MID1: variants seen among roughly 807,000 people sequenced by gnomAD.
The protein encoded by MID1 is midline 1.
Under a neutral mutation model 40.4 loss-of-function variants are expected in MID1, and 7 were observed. The observed-to-expected ratio is 0.17, with a 90% CI of 0.10 to 0.33. MID1 has a LOEUF of 0.33. Ranked by LOEUF, MID1 falls within the 10% of genes least tolerant of loss-of-function variation. The pLI, the probability that MID1 is intolerant of heterozygous loss-of-function variation, is 1.00. For missense variants in MID1, 367 were observed against 558.5 expected (o/e 0.66, Z 3.46); for synonymous variants, 229 against 221.2 (o/e 1.04, Z -0.31).
chrX:10,769,874 G>A (rs1197474266), intron 1 of MID1, among the ~76,000 whole-genome samples: 1 of 111,637 alleles, frequency 9.0e-6, no homozygotes, highest in African/African-American at 3.3e-5. Flanking sequence ...ATTCATTGTG[G>A]CATCAGGGCA....
At chrX:10,713,691 C>T (rs2043283598) in intron 1 of MID1, among the ~76,000 whole-genome samples, 1 of 111,961 alleles carries the variant, frequency 8.9e-6, no homozygotes, top group African/African-American at 3.2e-5. Context: ...AACCCTTTAA[C>T]CTCAACAACT....
rs1346671146 is a variant in MID1, at chrX:10,804,219, ATAGT to A, written c.-187+29331_-187+29334del. On this transcript the variant is annotated intron_variant, in intron 1 of 10. Coordinates refer to the MID1 transcript ENST00000380785. Reference sequence around the variant, plus strand: ...TAACAGAACCTTTAGCATATTAATCATAGTTAGTTTAAATTCTCAGTCTGATAAT... The same window carrying A: ...TAACAGAACCTTTAGCATATTAATCATAGTTTAAATTCTCAGTCTGATAAT... Among the ~76,000 whole-genome samples, 105 of 112,514 alleles carry A rather than the reference ATAGT, an allele frequency of 9.3e-4. 1 individual carries two copies. Among genetic ancestry groups the A allele is most frequent in the African/African-American group, 3.2e-3 (98 of 31,042 alleles).
intron 1 of MID1, among the ~76,000 whole-genome samples, chrX:10,796,043 C>T (rs979212451): frequency 1.8e-5 from 2 of 112,033 alleles, no homozygotes; most frequent in African/African-American, 6.5e-5. Context: ...CACCAAGAGG[C>T]ACTTGGTGGG....
rs758766228 is a variant in MID1, at chrX:10,680,516, G to T, written c.-186-60097C>A. Among the ~76,000 whole-genome samples the T allele has an allele frequency of 2.7e-5, 3 of 111,267 alleles. No individual in the cohort carries two copies. In the South Asian group the frequency reaches 1.1e-3, roughly 42 times the overall value. ...ATGATAGAATTACCAGTTTTGTGGG[G>T]TTTTTTGTTTTTTGTTTTTTCTATA... On this transcript the variant is annotated intron_variant, in intron 1 of 10. Coordinates refer to the MID1 transcript ENST00000380785.
chrX:10,795,961 A>T (rs1001401027), intron 1 of MID1, among the ~76,000 whole-genome samples: 7 of 111,734 alleles, frequency 6.3e-5, no homozygotes, highest in Admixed American at 9.5e-5. Context: ...ATCTGCCTTT[A>T]CTTGGTACAG....
At chrX:10,569,081 TC>T (rs2147472559) in intron 1 of MID1, among the ~76,000 whole-genome samples, 1 of 112,045 alleles carries the variant, frequency 8.9e-6, no homozygotes, top group African/African-American at 3.2e-5. Context: ...TATTCACACC[TC>T]CGCTTATTTA....
intron 2 of MID1, among the ~76,000 whole-genome samples, chrX:10,566,532 C>CCTCTCTCTCTCCCCCTCTCTCTCTCT (rs1934551088): frequency 1.9e-5 from 1 of 52,877 alleles, no homozygotes; most frequent in African/African-American, 6.0e-5. Flanking sequence ...CCTCTCTCTC[C>CCTCTCTCTCTCCCCCTCTCTCTCTCT]CTCTCTCTCT....
chrX:10,558,807 A>G (rs146655816), intron 2 of MID1, among the ~76,000 whole-genome samples: 156 of 112,885 alleles, frequency 1.4e-3, no homozygotes, highest in African/African-American at 4.8e-3. Flanking sequence ...ATATAGCACA[A>G]GAACGTTAAC....
At chrX:10,689,851 T>C (rs5933848) in intron 1 of MID1, among the ~76,000 whole-genome samples, 48,607 of 110,299 alleles carry the variant, frequency 0.44, 7,907 homozygotes, top group East Asian at 0.72. Flanking sequence ...TTTAGGATCA[T>C]TTTGTCAATA....
At chrX:10,756,561 C>T (rs2043634017) in intron 1 of MID1, among the ~76,000 whole-genome samples, 1 of 112,020 alleles carries the variant, frequency 8.9e-6, no homozygotes, top group East Asian at 2.8e-4. Context: ...GACATTCCTA[C>T]CATGTGAAGT....
intron 1 of MID1, among the ~76,000 whole-genome samples, chrX:10,698,116 A>G (rs944468181): frequency 1.8e-5 from 2 of 112,422 alleles, no homozygotes; most frequent in Non-Finnish European, 3.7e-5. Flanking sequence ...AAGTTGAACA[A>G]TGATGGAGAG....
chrX:10,529,131 A>G (rs1215115449), intron 2 of MID1, among the ~76,000 whole-genome samples: 2 of 111,541 alleles, frequency 1.8e-5, no homozygotes, highest in Non-Finnish European at 3.8e-5. Flanking sequence ...TAAAATAAAA[A>G]ACTTGTTTTT....
intron 1 of MID1, among the ~76,000 whole-genome samples, chrX:10,772,708 T>G (rs1248882679): frequency 9.0e-6 from 1 of 111,062 alleles, no homozygotes; most frequent in Non-Finnish European, 1.9e-5. Flanking sequence ...GAGTTAAAAT[T>G]TATATTAAAT....
intron 1 of MID1, among the ~76,000 whole-genome samples, chrX:10,700,810 C>T (rs1409528550): frequency 9.8e-5 from 11 of 111,910 alleles, no homozygotes; most frequent in Non-Finnish European, 3.8e-5. Flanking sequence ...GATGTGGAGT[C>T]TACATGTGCA....
intron 1 of MID1, among the ~76,000 whole-genome samples, chrX:10,768,045 G>T (rs2043742930): frequency 9.0e-6 from 1 of 111,720 alleles, no homozygotes; most frequent in South Asian, 3.7e-4. Context: ...CATGTATAAA[G>T]AATTTTTGCT....
chrX:10,623,230 G>A (rs1407275062), upstream of MID1, among the ~76,000 whole-genome samples: 1 of 100,224 alleles, frequency 1.0e-5, no homozygotes, highest in Admixed American at 1.1e-4. Flanking sequence ...CAGCCTGGGC[G>A]ACAAATAAGA....
At chrX:10,759,828 A>G (rs143822502) in intron 1 of MID1, among the ~76,000 whole-genome samples, 16 of 112,192 alleles carry the variant, frequency 1.4e-4, no homozygotes, top group African/African-American at 4.9e-4. Flanking sequence ...TTTGTAAAGC[A>G]CAATTTACAA....
chrX:10,630,061 C>G (rs992379534), intron 1 of MID1, among the ~76,000 whole-genome samples: 1 of 111,933 alleles, frequency 8.9e-6, no homozygotes, highest in Non-Finnish European at 1.9e-5. Flanking sequence ...AGCTATAACA[C>G]CCTGAACATG....
chrX:10,822,429 A>G (rs1368981422), intron 1 of MID1, among the ~76,000 whole-genome samples: 1 of 112,239 alleles, frequency 8.9e-6, no homozygotes, highest in Non-Finnish European at 1.9e-5. Flanking sequence ...AAATAGGCAC[A>G]GGCAAAGATT....
Sources: allele counts gnomAD v4.1 joint callset (sites outside exome capture counted in the v4.1 genomes callset), GRCh38; gene constraint gnomAD v4.1.1; transcripts MANE v1.5; gene names NCBI Gene and HGNC (gene_info 2026-07-23, HGNC 2026-07-21).